POT1: variants seen among roughly 807,000 people sequenced by gnomAD.
POT1 encodes the protein protection of telomeres 1, also known as protection of telomeres protein 1.
Under a neutral mutation model 78.5 loss-of-function variants are expected in POT1, and 47 were observed. The observed-to-expected ratio is 0.60, with a 90% CI of 0.47 to 0.76. The LOEUF (loss-of-function observed/expected upper bound fraction) is 0.76. Among genes scored for constraint, POT1 ranks in the 30% least tolerant of loss-of-function variants. POT1 has a pLI of 0.00. For missense variants in POT1, 646 were observed against 749.9 expected, an observed-to-expected ratio of 0.86 and a Z score of 1.62; for synonymous variants, 259 against 260.7, an observed-to-expected ratio of 0.99 and a Z score of 0.06.
chr7:124,915,308 CTGTG>C, intron 3 of POT1, among the ~76,000 whole-genome samples: 1 of 152,242 alleles, frequency 6.6e-6, no homozygotes, highest in African/African-American at 2.4e-5. Flanking sequence ...AGAATTCTCC[CTGTG>C]TAAGAACAAC....
Position 124,868,351 on chromosome 7 carries a change from G to A in POT1, c.255+2560C>T, listed in dbSNP as rs370896699. ...ATATAGTAATGCTAAATCTATACAG[G>A]AGCCTCACAATATATAAAACATAAA... is the stretch of plus-strand genomic sequence containing the variant. On this transcript the variant is annotated intron_variant, in intron 7 of 18. Transcript: ENST00000357628. Among the ~76,000 whole-genome samples, 7 of 152,128 alleles carry A rather than the reference G, an allele frequency of 4.6e-5. No homozygotes were observed. The East Asian group carries it at 9.7e-4, about 21-fold the overall frequency.
Position 124,892,317 on chromosome 7 carries a change from C to T in POT1, c.73G>A (p.Val25Ile), listed in dbSNP as rs375825837. The T allele has an allele frequency of 1.1e-5, 17 of 1,543,158 alleles. No homozygotes were observed. The East Asian group carries it at 1.5e-4, about 14-fold the overall frequency. The change falls in exon 6 of 19, where the codon GTC (valine) becomes ATC (isoleucine). Residue 25 changes from valine (V) to isoleucine (I), a missense_variant. Val to Ile is a conservative substitution (Grantham distance 29, BLOSUM62 3). This residue lies in a region of POT1 where 252 missense variants were observed against 341.4 expected (regional missense o/e 0.74). Transcript: ENST00000357628. ...NQLKGGTIVN[V>I]YGVVKFFKPP... ...TTAAAGAACTTCACAACACCATAGA[C>T]ATTGACAATTGTACCACCCTTAAGT...
chr7:124,893,019 T>A (rs1395772563), intron 5 of POT1, among the ~76,000 whole-genome samples: 2 of 151,374 alleles, frequency 1.3e-5, no homozygotes, highest in African/African-American at 2.4e-5. Context: ...ACAAGTTACA[T>A]CTCTTGTAAG....
rs777834542 is a variant in POT1, at chr7:124,824,086, A to G, written c.1793-12T>C. ...CCACGGATATGCATCTACAAAAACAAAAACAAAAAAAGCGATTTAACCATT... is the reference window on the plus strand; with the variant it reads ...CCACGGATATGCATCTACAAAAACAGAAACAAAAAAAGCGATTTAACCATT... On this transcript the variant is annotated splice_polypyrimidine_tract_variant and intron_variant, in intron 18 of 18. Coordinates refer to ENST00000357628, the MANE Select transcript of POT1 (RefSeq NM_015450.3). The G allele has an allele frequency of 6.5e-7, 1 of 1,532,716 alleles. No homozygotes were observed. Among genetic ancestry groups the G allele is most frequent in the Admixed American group, 1.8e-5 (1 of 55,716 alleles). The allele number at this position is 1,532,716 out of a possible 1,614,324, so 94.9% of individuals were successfully genotyped here.
intron 8 of POT1, among the ~76,000 whole-genome samples, chr7:124,860,797 C>T (rs774503931): frequency 6.6e-6 from 1 of 152,030 alleles, no homozygotes; most frequent in Non-Finnish European, 1.5e-5. Context: ...GTGATGTTCC[C>T]CTCCCTGTCT....
intron 7 of POT1, among the ~76,000 whole-genome samples, chr7:124,868,078 A>G (rs1310405603): frequency 6.6e-6 from 1 of 152,218 alleles, no homozygotes; most frequent in African/African-American, 2.4e-5. Flanking sequence ...AAAGAAGAGT[A>G]GATCTTGACT....
intron 6 of POT1, among the ~76,000 whole-genome samples, chr7:124,888,280 G>A (rs760587227): frequency 6.6e-5 from 10 of 152,044 alleles, no homozygotes; most frequent in Non-Finnish European, 1.2e-4. Context: ...CATAATAAAC[G>A]TGTGGGCTTA....
intron 8 of POT1, among the ~76,000 whole-genome samples, chr7:124,859,497 A>T (rs1795532355): frequency 6.6e-6 from 1 of 152,150 alleles, no homozygotes; most frequent in Non-Finnish European, 1.5e-5. Context: ...TACATTTGAC[A>T]TTAATCAAAT....
chr7:124,824,036 T>C lies in POT1; in HGVS notation c.1831A>G (p.Asn611Asp), dbSNP rs1794570957. 6.2e-7 allele frequency: 1 copy of C among 1,609,020 alleles called. No homozygotes were observed. Reference sequence around the variant, plus strand: ...TGATTATCTGTTCCATTTGTGACATTGTATGACTTGATGAAGCATTCCAAC... The same window carrying C: ...TGATTATCTGTTCCATTTGTGACATCGTATGACTTGATGAAGCATTCCAAC... Reference protein sequence around the residue: ...PWLECFIKSYNVTNGTDNQIC... With the variant: ...PWLECFIKSYDVTNGTDNQIC... Residue 611 changes from asparagine to aspartate, a missense_variant, in exon 19 of 19, where the codon AAT becomes GAT. Asn to Asp is a conservative substitution (Grantham distance 23). Transcript: ENST00000357628.
intron 3 of POT1, among the ~76,000 whole-genome samples, chr7:124,903,915 T>A (rs1284501915): frequency 6.6e-6 from 1 of 152,160 alleles, no homozygotes; most frequent in Non-Finnish European, 1.5e-5. Flanking sequence ...CTAGAAACTC[T>A]AGAAGAAATG....
At chr7:124,849,630 T>C (rs1795255835) in intron 11 of POT1, among the ~76,000 whole-genome samples, 1 of 152,288 alleles carries the variant, frequency 6.6e-6, no homozygotes, top group South Asian at 2.1e-4. Context: ...TTTAGTTTAT[T>C]GTGGAGAAGT....
chr7:124,867,916 G>A (rs532997553), intron 7 of POT1, among the ~76,000 whole-genome samples: 1 of 152,064 alleles, frequency 6.6e-6, no homozygotes, highest in Non-Finnish European at 1.5e-5. Context: ...AAAGTGCTGG[G>A]ATTATAGGCG....
intron 14 of POT1, among the ~76,000 whole-genome samples, chr7:124,838,359 A>C (rs542719319): frequency 6.6e-6 from 1 of 152,208 alleles, no homozygotes; most frequent in Admixed American, 6.5e-5. Flanking sequence ...TTCCCTATAC[A>C]TAAGCAATAA....
intron 6 of POT1, among the ~76,000 whole-genome samples, chr7:124,886,675 T>G (rs1796249590): frequency 1.3e-5 from 2 of 152,104 alleles, no homozygotes; most frequent in Non-Finnish European, 1.5e-5. Flanking sequence ...TAGCCATGAA[T>G]TTTTTACTAC....
chr7:124,859,671 C>T (rs1217975934), intron 8 of POT1, among the ~76,000 whole-genome samples: 1 of 150,734 alleles, frequency 6.6e-6, no homozygotes, highest in Non-Finnish European at 1.5e-5. Flanking sequence ...ACAGGTGAGA[C>T]ATACAAATTA....
intron 6 of POT1, among the ~76,000 whole-genome samples, chr7:124,886,641 T>C (rs1443381175): frequency 6.6e-6 from 1 of 152,140 alleles, no homozygotes; most frequent in African/African-American, 2.4e-5. Flanking sequence ...CATATTATCT[T>C]GGTAATAAAA....
intron 2 of POT1, among the ~76,000 whole-genome samples, chr7:124,921,845 A>G (rs976198707): frequency 6.6e-6 from 1 of 152,124 alleles, no homozygotes; most frequent in Non-Finnish European, 1.5e-5. Flanking sequence ...CCCAAAAAAG[A>G]GAAAAGGGTA....
intron 9 of POT1, among the ~76,000 whole-genome samples, chr7:124,856,805 C>A (rs561046996): frequency 2.0e-5 from 3 of 152,136 alleles, no homozygotes; most frequent in Non-Finnish European, 4.4e-5. Flanking sequence ...TATGAAAAAA[C>A]CTCCAGAACT....
intron 3 of POT1, among the ~76,000 whole-genome samples, chr7:124,903,429 G>C (rs1470277174): frequency 1.3e-5 from 2 of 152,134 alleles, no homozygotes; most frequent in African/African-American, 4.8e-5. Flanking sequence ...GGACTACTGG[G>C]TACATAACAA....
Sources: allele counts gnomAD v4.1 joint callset (sites outside exome capture counted in the v4.1 genomes callset), GRCh38; gene constraint gnomAD v4.1.1; regional missense constraint gnomAD v4.1.1; transcripts MANE v1.5; gene names NCBI Gene and HGNC (gene_info 2026-07-23, HGNC 2026-07-21).